The following WDPCP variants were observed in gnomAD, a reference collection of about 807,000 sequenced individuals.
WDPCP encodes the protein WD repeat containing planar cell polarity effector.
Under a neutral mutation model 93.1 loss-of-function variants are expected in WDPCP, and 71 were observed. That is an observed-to-expected ratio of 0.76 (90% CI 0.63 to 0.93). The LOEUF is 0.93. Among genes scored for constraint, WDPCP ranks in the 40% least tolerant of loss-of-function variants. The pLI, the probability that WDPCP is intolerant of heterozygous loss-of-function variation, is 0.00. For synonymous variants in WDPCP, 315 were observed against 315.0 expected, an observed-to-expected ratio of 1.00 and a Z score of 0.00; for missense variants, 844 against 887.4, an observed-to-expected ratio of 0.95 and a Z score of 0.62.
At chr2:63,186,925 A>T (rs1341132019) in intron 14 of WDPCP, among the ~76,000 whole-genome samples, 1 of 151,398 alleles carries the variant, frequency 6.6e-6, no homozygotes, top group Admixed American at 6.6e-5. Context: ...CTTATCTTAT[A>T]TCTGGTGGTC....
chr2:63,350,752 G>T (rs1471220335), intron 12 of WDPCP, among the ~76,000 whole-genome samples: 1 of 152,030 alleles, frequency 6.6e-6, no homozygotes, highest in Admixed American at 6.6e-5. Context: ...AGCTTTGGAT[G>T]TCTACTGGCA....
At chr2:63,209,593 G>C (rs79824204) in intron 14 of WDPCP, among the ~76,000 whole-genome samples, 1 of 152,268 alleles carries the variant, frequency 6.6e-6, no homozygotes, top group East Asian at 1.9e-4. Flanking sequence ...AGAATATGTT[G>C]TCACTAAAGC....
Position 63,245,288 on chromosome 2 carries a change from G to A in WDPCP, c.1915+14019C>T, listed in dbSNP as rs929413289. 6.5e-4 allele frequency among the ~76,000 whole-genome samples: 99 copies of A among 152,234 alleles called. 2 individuals carry two copies. Among genetic ancestry groups the A allele is most frequent in the African/African-American group, 2.2e-3 (91 of 41,556 alleles). ...ACCTATGTGTATTACTCACTGTGTC[G>A]TTTTGTGTATTCTCTGCTCTTTGTA... is the stretch of plus-strand genomic sequence containing the variant. On this transcript the variant is annotated intron_variant, in intron 14 of 17. Coordinates refer to ENST00000272321, the MANE Select transcript of WDPCP (RefSeq NM_015910.7).
intron 14 of WDPCP, among the ~76,000 whole-genome samples, chr2:63,175,679 T>C (rs1673752440): frequency 6.6e-6 from 1 of 152,248 alleles, no homozygotes; most frequent in Non-Finnish European, 1.5e-5. Context: ...AGTGGTATCA[T>C]ACAGTATTCA....
chr2:63,493,200 T>C (rs911219249), intron 1 of WDPCP, among the ~76,000 whole-genome samples: 1 of 152,170 alleles, frequency 6.6e-6, no homozygotes, highest in Non-Finnish European at 1.5e-5. Context: ...TATATAGTAT[T>C]TGGGTTTTCA....
intron 13 of WDPCP, among the ~76,000 whole-genome samples, chr2:63,302,872 G>C (rs1322972170): frequency 1.3e-5 from 2 of 152,166 alleles, no homozygotes; most frequent in Non-Finnish European, 2.9e-5. Flanking sequence ...CCTCCATCTT[G>C]TTTCATGTCC....
intron 2 of WDPCP, among the ~76,000 whole-genome samples, chr2:63,800,394 A>G (rs1020881388): frequency 6.6e-6 from 1 of 152,200 alleles, no homozygotes; most frequent in African/African-American, 2.4e-5. Context: ...CACATAAGAA[A>G]AGTGATTGTA....
intron 1 of WDPCP, among the ~76,000 whole-genome samples, chr2:63,513,431 T>C (rs1035472767): frequency 6.6e-6 from 1 of 152,036 alleles, no homozygotes; most frequent in Non-Finnish European, 1.5e-5. Flanking sequence ...CCCCAGAGTA[T>C]GGCACTCTGG....
intron 13 of WDPCP, among the ~76,000 whole-genome samples, chr2:63,299,014 C>T (rs796243790): frequency 2.4e-4 from 36 of 152,326 alleles, no homozygotes; most frequent in African/African-American, 8.4e-4. Context: ...CTAGGCTTGT[C>T]TACCTGTTGA....
chr2:63,575,422 T>C (rs1368554394), intron 1 of WDPCP, among the ~76,000 whole-genome samples: 5 of 98,430 alleles, frequency 5.1e-5, no homozygotes, highest in African/African-American at 1.6e-4. Flanking sequence ...ATATACACTG[T>C]ATACAGTGTA....
chr2:63,224,071 C>T (rs1010129653), intron 14 of WDPCP, among the ~76,000 whole-genome samples: 1 of 151,972 alleles, frequency 6.6e-6, no homozygotes. Flanking sequence ...ACCAAAAATA[C>T]TGTTATAGGC....
intron 2 of WDPCP, among the ~76,000 whole-genome samples, chr2:63,728,972 C>T (rs1002587773): frequency 3.9e-5 from 6 of 152,176 alleles, no homozygotes; most frequent in African/African-American, 2.4e-5. Context: ...TTTCTAAGAA[C>T]ATACACTGAC....
At chr2:63,792,891 A>C (rs1454581253) in intron 2 of WDPCP, among the ~76,000 whole-genome samples, 2 of 152,050 alleles carry the variant, frequency 1.3e-5, no homozygotes, top group African/African-American at 4.8e-5. Flanking sequence ...GGCCTCATGA[A>C]TAACATCATA....
chr2:63,219,217 T>C (rs1186997397), intron 14 of WDPCP, among the ~76,000 whole-genome samples: 1 of 152,240 alleles, frequency 6.6e-6, no homozygotes, highest in Non-Finnish European at 1.5e-5. Context: ...AGAGGTATTA[T>C]AACCTGACTT....
intron 9 of WDPCP, among the ~76,000 whole-genome samples, chr2:63,417,571 T>C (rs1436783477): frequency 6.6e-6 from 1 of 151,446 alleles, no homozygotes; most frequent in African/African-American, 2.4e-5. Flanking sequence ...ACTGCTATGA[T>C]AAAGGTATCA....
chr2:63,433,788 C>T lies in WDPCP; in HGVS notation c.782G>A (p.Arg261Lys). 6.2e-7 allele frequency: 1 copy of T among 1,612,292 alleles called. No individual in the cohort carries two copies. The highest frequency in any genetic ancestry group is 8.5e-7 in the Non-Finnish European group (1 of 1,178,448). ...ATAACCCAGGAGGAGTAGATTGGCTCTGTCCTTCTCAGAAGAAATGGGGGC... is the reference window on the plus strand; with the variant it reads ...ATAACCCAGGAGGAGTAGATTGGCTTTGTCCTTCTCAGAAGAAATGGGGGC... ...PWAPISSEKD[R>K]ANLLLLGYAQ... The change falls in exon 9 of 18, where the codon AGA becomes AAA. Residue 261 changes from arginine to lysine, a missense_variant. Physicochemically the swap from Arg to Lys is conservative, Grantham distance 26 (BLOSUM62 2). Coordinates refer to ENST00000272321, the MANE Select transcript of WDPCP (RefSeq NM_015910.7).
rs1477567359 is a variant in WDPCP, at chr2:63,433,887, TGTC to T, written c.680_682del (p.Arg227del). On this transcript the variant is annotated inframe_deletion, in exon 9 of 18. Coordinates refer to ENST00000272321, the MANE Select transcript of WDPCP (RefSeq NM_015910.7). Reference sequence around the variant, plus strand: ...ATCATGAACACAGTTGATAGCTAGATGTCGCTCTGTTGTCTTGTTTATTGGGCC... The same window carrying T: ...ATCATGAACACAGTTGATAGCTAGATGCTCTGTTGTCTTGTTTATTGGGCC... The T allele has an allele frequency of 1.2e-6, 2 of 1,614,022 alleles. No homozygotes were observed. The highest frequency in any genetic ancestry group is 3.3e-5 in the Admixed American group (2 of 60,000).
At chr2:63,160,192 G>A (rs1559164079) in intron 15 of WDPCP, among the ~76,000 whole-genome samples, 2 of 152,168 alleles carry the variant, frequency 1.3e-5, no homozygotes, top group Non-Finnish European at 2.9e-5. Context: ...CAGGAGGAAT[G>A]TGCTTACTCC....
At chr2:63,758,100 T>C (rs1669995890) in intron 2 of WDPCP, among the ~76,000 whole-genome samples, 1 of 152,110 alleles carries the variant, frequency 6.6e-6, no homozygotes, top group Non-Finnish European at 1.5e-5. Flanking sequence ...GTTGGTTTTT[T>C]TTTTTTTTAT....
Sources: allele counts gnomAD v4.1 joint callset (sites outside exome capture counted in the v4.1 genomes callset), GRCh38; gene constraint gnomAD v4.1.1; transcripts MANE v1.5; gene names NCBI Gene and HGNC (gene_info 2026-07-23, HGNC 2026-07-21).